The following CTNNA3 variants were observed in gnomAD, a reference collection of about 807,000 sequenced individuals.
CTNNA3 encodes the protein catenin alpha-3.
A neutral mutation model predicts 95.7 loss-of-function variants in CTNNA3; 76 were observed. The observed-to-expected ratio is 0.79, with a 90% CI of 0.66 to 0.96. The LOEUF (loss-of-function observed/expected upper bound fraction) is 0.96. CTNNA3 is among the 40% of genes least tolerant of loss of function. The pLI is 0.00. For missense variants in CTNNA3, 1,191 were observed against 1,089.8 expected, an observed-to-expected ratio of 1.09 and a Z score of -1.31; for synonymous variants, 431 against 374.4, an observed-to-expected ratio of 1.15 and a Z score of -1.74.
At chr10:67,592,267 A>G (rs1589463390) in intron 3 of CTNNA3, among the ~76,000 whole-genome samples, 1 of 152,002 alleles carries the variant, frequency 6.6e-6, no homozygotes, top group Non-Finnish European at 1.5e-5. Context: ...GTCTTACTCA[A>G]TCTCCAATGT....
chr10:66,048,700 G>A (rs2079884298), intron 15 of CTNNA3, among the ~76,000 whole-genome samples: 1 of 152,148 alleles, frequency 6.6e-6, no homozygotes, highest in African/African-American at 2.4e-5. Flanking sequence ...GGCAGAGCTT[G>A]CAGTGAGCCA....
At chr10:66,920,369 A>G (rs931110399) in intron 7 of CTNNA3, among the ~76,000 whole-genome samples, 12 of 152,224 alleles carry the variant, frequency 7.9e-5, no homozygotes, top group African/African-American at 2.9e-4. Context: ...GTCAACTGAC[A>G]TATGCAATAA....
At chr10:67,210,900 C>T (rs1864113345) in intron 6 of CTNNA3, among the ~76,000 whole-genome samples, 1 of 152,096 alleles carries the variant, frequency 6.6e-6, no homozygotes, top group African/African-American at 2.4e-5. Flanking sequence ...TTTTGCAGTG[C>T]TCACAAGTAT....
At chr10:66,035,602 T>A (rs2079545029) in intron 15 of CTNNA3, among the ~76,000 whole-genome samples, 2 of 152,090 alleles carry the variant, frequency 1.3e-5, no homozygotes, top group South Asian at 4.1e-4. Flanking sequence ...CTTTGATACT[T>A]AAATCTTTTT....
At chr10:66,614,546 T>C (rs1471010654) in intron 10 of CTNNA3, among the ~76,000 whole-genome samples, 1 of 152,008 alleles carries the variant, frequency 6.6e-6, no homozygotes, top group Non-Finnish European at 1.5e-5. Context: ...CAATCTTGAC[T>C]TTCTTCCCTA....
intron 13 of CTNNA3, among the ~76,000 whole-genome samples, chr10:66,171,111 C>G (rs11594208): frequency 1.3e-5 from 2 of 150,820 alleles, no homozygotes; most frequent in Non-Finnish European, 3.0e-5. Flanking sequence ...CCAACCTGGG[C>G]GACAGAGGAA....
chr10:66,984,431 G>GACCAAATGTAAATATGAGAGAA (rs1850614768), intron 7 of CTNNA3, among the ~76,000 whole-genome samples: 1 of 152,208 alleles, frequency 6.6e-6, no homozygotes, highest in Admixed American at 6.5e-5. Context: ...AGATAAAATT[G>GACCAAATGTAAATATGAGAGAA]ACCAAATGTA....
chr10:66,301,027 A>G (rs2091854792), intron 12 of CTNNA3, among the ~76,000 whole-genome samples: 3 of 152,102 alleles, frequency 2.0e-5, no homozygotes, highest in Admixed American at 1.3e-4. Flanking sequence ...TAAAAAGATA[A>G]TAACAAAATA....
At chr10:67,425,416 G>C (rs76994954) in intron 5 of CTNNA3, among the ~76,000 whole-genome samples, 2,653 of 152,106 alleles carry the variant, frequency 0.017, 86 homozygotes, top group African/African-American at 0.059. Context: ...GTTTCAAAAA[G>C]AGATGGGTGA....
intron 3 of CTNNA3, among the ~76,000 whole-genome samples, chr10:67,569,187 T>C (rs1161419345): frequency 6.6e-6 from 1 of 152,182 alleles, no homozygotes; most frequent in Non-Finnish European, 1.5e-5. Context: ...TAATGTTCTC[T>C]TGAAAAATCT....
chr10:66,821,793 T>C (rs1385661249), intron 7 of CTNNA3, among the ~76,000 whole-genome samples: 1 of 152,178 alleles, frequency 6.6e-6, no homozygotes, highest in East Asian at 1.9e-4. Context: ...TTATTAAGTC[T>C]TTGCAACGGT....
chr10:67,215,195 T>C (rs1444366153), intron 6 of CTNNA3, among the ~76,000 whole-genome samples: 1 of 152,116 alleles, frequency 6.6e-6, no homozygotes, highest in Non-Finnish European at 1.5e-5. Flanking sequence ...TGCCTAACCA[T>C]TGAATTTTTC....
intron 5 of CTNNA3, among the ~76,000 whole-genome samples, chr10:67,451,511 G>A (rs867463951): frequency 2.6e-5 from 4 of 152,080 alleles, no homozygotes; most frequent in African/African-American, 9.7e-5. Flanking sequence ...AAAGATAAGT[G>A]AGCAAAGGTC....
At chr10:66,521,045 C>G (rs1841049959) in intron 10 of CTNNA3, among the ~76,000 whole-genome samples, 1 of 151,056 alleles carries the variant, frequency 6.6e-6, no homozygotes, top group Admixed American at 6.6e-5. Context: ...TATTTCAATA[C>G]ATTAAGTGTA....
At chr10:67,672,484 T>C (rs1840456335) in intron 1 of CTNNA3, among the ~76,000 whole-genome samples, 1 of 152,232 alleles carries the variant, frequency 6.6e-6, no homozygotes, top group African/African-American at 2.4e-5. Context: ...AGGGTTTTTA[T>C]GGTTTTAGGT....
At chr10:67,747,830 T>C (rs1406569059) in intron 1 of CTNNA3, among the ~76,000 whole-genome samples, 2 of 152,144 alleles carry the variant, frequency 1.3e-5, no homozygotes, top group East Asian at 1.9e-4. Flanking sequence ...AAGGAGCATG[T>C]CCTAACCTAA....
At position 67,314,805 on chromosome 10, in the gene CTNNA3, G is replaced by T. The variant is rs188544552; in HGVS notation, c.580-94935C>A. 2.3e-4 allele frequency among the ~76,000 whole-genome samples: 35 copies of T among 152,250 alleles called. No individual in the cohort carries two copies. In the East Asian group the frequency reaches 6.4e-3, roughly 28 times the overall value. On this transcript the variant is annotated intron_variant, in intron 5 of 17. Coordinates refer to ENST00000433211, the MANE Select transcript of CTNNA3 (RefSeq NM_013266.4). ...ACTATCATTTATTATTGTTTAAAAA[G>T]TATTTTCTATAATTATATGTAAGAT...
At chr10:66,068,285 T>C (rs1376370428) in intron 15 of CTNNA3, among the ~76,000 whole-genome samples, 1 of 152,166 alleles carries the variant, frequency 6.6e-6, no homozygotes, top group Non-Finnish European at 1.5e-5. Flanking sequence ...CTGCAAGTAT[T>C]CTTTATATAT....
chr10:67,487,841 A>G (rs1465898956), intron 5 of CTNNA3, among the ~76,000 whole-genome samples: 1 of 151,852 alleles, frequency 6.6e-6, no homozygotes, highest in Non-Finnish European at 1.5e-5. Context: ...GACCTTCCTC[A>G]CCCCTAGGTA....
Sources: gnomAD v4.1 joint callset for allele counts (sites outside exome capture counted in the v4.1 genomes callset) on GRCh38, gnomAD v4.1.1 for gene constraint, MANE v1.5 for transcripts, NCBI Gene and HGNC (gene_info 2026-07-23, HGNC 2026-07-21) for gene names.